The following SENP6 variants were observed in gnomAD, a reference collection of about 807,000 sequenced individuals.
SENP6 encodes sentrin-specific protease 6.
Under a neutral mutation model 134.5 loss-of-function variants are expected in SENP6, and 41 were observed. The observed-to-expected ratio is 0.30, with a 90% CI of 0.24 to 0.40. The LOEUF (loss-of-function observed/expected upper bound fraction) is 0.40, where lower values mean the gene tolerates loss of function less well. SENP6 is among the 10% of genes least tolerant of loss of function. SENP6 has a pLI of 1.00. For missense variants in SENP6, 1,248 were observed against 1,312.5 expected (o/e 0.95, Z 0.76); for synonymous variants, 395 against 429.8 (o/e 0.92, Z 1.00).
chr6:75,713,102 A>G (rs985281868), intron 21 of SENP6, among the ~76,000 whole-genome samples: 1 of 152,200 alleles, frequency 6.6e-6, no homozygotes, highest in South Asian at 2.1e-4. Context: ...CCTGCCTGAA[A>G]AAAATGGGCC....
At chr6:75,638,606 ATATATATATATATATATT>A (rs1561992690) in intron 5 of SENP6, among the ~76,000 whole-genome samples, 2 of 39,120 alleles carry the variant, frequency 5.1e-5, no homozygotes, top group African/African-American at 2.1e-4. Context: ...ATATATATAT[ATATATATATATATATATT>A]TTTTTTTTTT....
chr6:75,638,605 TATATATATATATA>T, intron 5 of SENP6, among the ~76,000 whole-genome samples: 2 of 55,740 alleles, frequency 3.6e-5, no homozygotes, highest in African/African-American at 1.4e-4. Context: ...TATATATATA[TATATATATATATA>T]TATATTTTTT....
At chr6:75,642,217 G>A (rs549487384) in intron 6 of SENP6, among the ~76,000 whole-genome samples, 1 of 152,350 alleles carries the variant, frequency 6.6e-6, no homozygotes, top group East Asian at 1.9e-4. Flanking sequence ...AGGATACAGT[G>A]ATGAACAAAG....
intron 8 of SENP6, among the ~76,000 whole-genome samples, chr6:75,662,635 G>A (rs943818220): frequency 8.5e-5 from 13 of 152,102 alleles, no homozygotes; most frequent in South Asian, 2.1e-4. Context: ...CATTTTGTTC[G>A]TAATTCTCAC....
intron 8 of SENP6, among the ~76,000 whole-genome samples, chr6:75,662,618 G>C (rs534225802): frequency 7.9e-5 from 12 of 152,196 alleles, no homozygotes; most frequent in Admixed American, 6.5e-4. Flanking sequence ...TCAGCATAGT[G>C]TATCTGCATT....
intron 3 of SENP6, 69 bp from the exon 4 acceptor site, chr6:75,633,512 T>C (rs949507434): frequency 1.5e-6 from 2 of 1,331,722 alleles, no homozygotes; most frequent in Admixed American, 2.4e-5. Flanking sequence ...TAAATGGTTT[T>C]CAAATAGTTG....
intron 1 of SENP6, chr6:75,610,946 C>A (rs901456819): frequency 1.3e-5 from 2 of 152,182 alleles, no homozygotes; most frequent in African/African-American, 4.8e-5. Flanking sequence ...ACAGTGCTGG[C>A]ATCCAATAGA....
intron 9 of SENP6, among the ~76,000 whole-genome samples, chr6:75,663,824 G>C (rs1019874811): frequency 9.7e-5 from 13 of 134,560 alleles, no homozygotes; most frequent in African/African-American, 3.7e-4. Flanking sequence ...TTTTTTGTGG[G>C]GGGGGGGGTG....
In SENP6 at chr6:75,632,381, A is replaced by G. The variant is rs150438345; in HGVS notation, c.208-1200A>G. Reference sequence around the variant, plus strand: ...CCTGTGTTAACCAGTCAGAATAGCAAACTCTAGGCTTGCCAATAACTGTCC... The same window carrying G: ...CCTGTGTTAACCAGTCAGAATAGCAGACTCTAGGCTTGCCAATAACTGTCC... On this transcript the variant is annotated intron_variant, in intron 3 of 23. Transcript: ENST00000447266. Among the ~76,000 whole-genome samples, 284 of 152,332 alleles carry G rather than the reference A, an allele frequency of 1.9e-3. 1 individual carries two copies. Among genetic ancestry groups the G allele is most frequent in the African/African-American group, 6.6e-3 (274 of 41,580 alleles).
At chr6:75,658,976 A>G (rs942185751) in intron 7 of SENP6, among the ~76,000 whole-genome samples, 5 of 35,082 alleles carry the variant, frequency 1.4e-4, no homozygotes, top group African/African-American at 4.1e-4. Context: ...TGTCTCCCCA[A>G]AAAAAAAAAA....
chr6:75,630,110 C>G (rs1053462147), intron 3 of SENP6, among the ~76,000 whole-genome samples: 8 of 150,684 alleles, frequency 5.3e-5, no homozygotes, highest in Non-Finnish European at 8.8e-5. Context: ...GCTCTTGCCA[C>G]CCAGGCTGGA....
chr6:75,668,725 A>G (rs778745068), intron 10 of SENP6, among the ~76,000 whole-genome samples: 16 of 152,364 alleles, frequency 1.1e-4, no homozygotes, highest in Non-Finnish European at 2.2e-4. Flanking sequence ...ATAGTTTGCT[A>G]TCGCAAGAGA....
intron 16 of SENP6, among the ~76,000 whole-genome samples, chr6:75,684,381 C>A (rs529495366): frequency 6.6e-6 from 1 of 152,160 alleles, no homozygotes; most frequent in Non-Finnish European, 1.5e-5. Flanking sequence ...TAATTGAATA[C>A]GCTTTATTTC....
Position 75,695,828 on chromosome 6 carries a change from G to A in SENP6, c.2100G>A (p.Lys700=). ...YLKYLVLEKL[K]KEDADRIHIF... Reference sequence around the variant, plus strand: ...GATACTTGGTGCTTGAAAAACTGAAGAAGGAAGACGCTGACCGAATTCATA... The same window carrying A: ...GATACTTGGTGCTTGAAAAACTGAAAAAGGAAGACGCTGACCGAATTCATA... The change falls in exon 17 of 24, where the codon AAG becomes AAA. Residue 700 remains lysine (K), a synonymous_variant. Transcript: ENST00000447266. 6.3e-7 allele frequency: 1 copy of A among 1,597,182 alleles called. No individual in the cohort carries two copies. Among genetic ancestry groups the A allele is most frequent in the Non-Finnish European group, 8.5e-7 (1 of 1,172,644 alleles).
chr6:75,606,459 A>C (rs1270958887), intron 1 of SENP6, among the ~76,000 whole-genome samples: 2 of 152,218 alleles, frequency 1.3e-5, no homozygotes, highest in African/African-American at 4.8e-5. Flanking sequence ...TTGAACACCT[A>C]CTATGTTGTA....
chr6:75,616,126 A>C (rs1251859944), intron 1 of SENP6, among the ~76,000 whole-genome samples: 18 of 152,086 alleles, frequency 1.2e-4, no homozygotes, highest in Admixed American at 1.1e-3. Context: ...GAGGATATGG[A>C]GAAAACTTTA....
intron 16 of SENP6, among the ~76,000 whole-genome samples, chr6:75,684,770 C>T (rs898167301): frequency 1.3e-5 from 2 of 152,152 alleles, no homozygotes; most frequent in African/African-American, 4.8e-5. Context: ...GGTGGATAAG[C>T]TTTTTGATGT....
chr6:75,676,075 TATAATAGATA>T (rs1225533961), intron 13 of SENP6, 21 bp downstream of exon 13: 1 of 1,482,756 alleles, frequency 6.7e-7, no homozygotes, highest in Non-Finnish European at 9.1e-7. Flanking sequence ...TAAAACAGAT[TATAATAGATA>T]ATAATAGATA....
intron 7 of SENP6, among the ~76,000 whole-genome samples, chr6:75,657,255 CTG>C (rs1771413457): frequency 3.3e-5 from 5 of 152,202 alleles, no homozygotes; most frequent in South Asian, 2.1e-4. Flanking sequence ...TTTCAGACAA[CTG>C]TGTTTATTTT....
Sources: gnomAD v4.1 joint callset for allele counts (sites outside exome capture counted in the v4.1 genomes callset) on GRCh38, gnomAD v4.1.1 for gene constraint, MANE v1.5 for transcripts, NCBI Gene and HGNC (gene_info 2026-07-23, HGNC 2026-07-21) for gene names.